The following NECAB2 variants were observed in gnomAD, a reference collection of about 807,000 sequenced individuals.
NECAB2 encodes the protein N-terminal EF-hand calcium-binding protein 2.
In NECAB2, 68 loss-of-function variants were observed where a neutral mutation model predicts 51.9. The observed-to-expected ratio is 1.31, with a 90% confidence interval of 1.08 to 1.60. NECAB2 has a LOEUF of 1.60. NECAB2 is among the 40% of genes most tolerant of loss of function. NECAB2 has a pLI of 0.00. For synonymous variants in NECAB2, 329 were observed against 203.5 expected, an observed-to-expected ratio of 1.62 and a Z score of -5.25; for missense variants, 854 against 490.3, an observed-to-expected ratio of 1.74 and a Z score of -7.00.
chr16:83,970,854 A>G (rs1220844251), intron 1 of NECAB2, among the ~76,000 whole-genome samples: 1 of 152,148 alleles, frequency 6.6e-6, no homozygotes, highest in Non-Finnish European at 1.5e-5. Context: ...GCACTTTGGG[A>G]GGCCGAGGCG....
At chr16:83,973,502 C>G (rs1055092299) in intron 2 of NECAB2, among the ~76,000 whole-genome samples, 1 of 152,138 alleles carries the variant, frequency 6.6e-6, no homozygotes, top group African/African-American at 2.4e-5. Context: ...CCATACGGAG[C>G]AGAGGAGGAA....
rs891224700 is a variant in NECAB2 at position 83,976,734 on chromosome 16, C to T, written c.227-1710C>T. 6.6e-5 allele frequency among the ~76,000 whole-genome samples: 10 copies of T among 152,264 alleles called. No individual in the cohort carries two copies. The East Asian group carries it at 1.5e-3, about 24-fold the overall frequency. ...TCTTGGGATATTGGCCCTAGCCCCC[C>T]GTGCCCACACGTTCATATTCTTTAC... On this transcript the variant is annotated intron_variant, in intron 2 of 12. Coordinates refer to ENST00000305202, the MANE Select transcript of NECAB2 (RefSeq NM_019065.3).
At chr16:83,987,883 T>A (rs2084575472) in intron 5 of NECAB2, among the ~76,000 whole-genome samples, 1 of 152,246 alleles carries the variant, frequency 6.6e-6, no homozygotes, top group Non-Finnish European at 1.5e-5. Context: ...ATAAGATGGC[T>A]GTAAGCATCG....
Position 83,968,617 on chromosome 16 carries a change from G to A in NECAB2, c.-32G>A. ...GGCCGCAGCTGGGCGGGGGTCGGCG[G>A]GCTTCCGGGCGGCGGCGGCGGGCGC... On this transcript the variant is annotated 5_prime_UTR_variant, in exon 1 of 13. Coordinates refer to ENST00000305202, the MANE Select transcript of NECAB2 (RefSeq NM_019065.3). The A allele has an allele frequency of 9.2e-6, 9 of 979,420 alleles. No individual in the cohort carries two copies. Among genetic ancestry groups the A allele is most frequent in the Non-Finnish European group, 9.7e-6 (8 of 827,364 alleles). The allele number at this position is 979,420 out of a possible 1,614,324, so 60.7% of individuals were successfully genotyped here.
intron 5 of NECAB2, among the ~76,000 whole-genome samples, chr16:83,985,908 G>C (rs1266739547): frequency 1.3e-5 from 2 of 152,130 alleles, no homozygotes; most frequent in African/African-American, 2.4e-5. Context: ...TCTGAAAACA[G>C]CTATCCTTTC....
intron 6 of NECAB2, among the ~76,000 whole-genome samples, 195 bp from the exon 7 acceptor site, chr16:83,994,107 A>G (rs562823253): frequency 7.9e-5 from 12 of 152,210 alleles, no homozygotes; most frequent in African/African-American, 2.9e-4. Flanking sequence ...CTGCCCAGCT[A>G]GCTGCGTGGC....
upstream of NECAB2, chr16:83,965,917 G>C: frequency 6.2e-7 from 1 of 1,612,790 alleles, no homozygotes; most frequent in Non-Finnish European, 8.5e-7. Flanking sequence ...TGGGGCCGCT[G>C]GCCGGGGACA....
chr16:83,999,550 C>T lies in NECAB2; in HGVS notation c.963-1174C>T, dbSNP rs866864070. 2.7e-3 allele frequency among the ~76,000 whole-genome samples: 417 copies of T among 152,272 alleles called. 2 individuals are homozygous for T. Among genetic ancestry groups the T allele is most frequent in the African/African-American group, 9.7e-3 (401 of 41,548 alleles). ...AAGATGGAATCCAGCCCGGCCCCTT[C>T]CTCTAGGCTGAGCACTGTAGCCCCT... On this transcript the variant is annotated intron_variant, in intron 10 of 12. Transcript: ENST00000305202.
At chr16:83,980,703 T>C in intron 3 of NECAB2, 136 bp from the exon 4 acceptor site, 1 of 1,220,558 alleles carries the variant, frequency 8.2e-7, no homozygotes, top group Non-Finnish European at 1.2e-6. Flanking sequence ...CACCCTCTTC[T>C]GTAAGGCGGA....
At chr16:83,982,158 C>T (rs547945413) in intron 5 of NECAB2, among the ~76,000 whole-genome samples, 39 of 152,278 alleles carry the variant, frequency 2.6e-4, no homozygotes, top group East Asian at 1.7e-3. Flanking sequence ...TCCTACTGTA[C>T]GCTCAGCCAG....
At chr16:83,992,505 C>T (rs2084639596) in intron 6 of NECAB2, among the ~76,000 whole-genome samples, 2 of 151,986 alleles carry the variant, frequency 1.3e-5, no homozygotes, top group South Asian at 4.1e-4. Context: ...GGGAAACAGC[C>T]AGGTGTCGGC....
rs530484450 is a variant in NECAB2 at position 83,971,947 on chromosome 16, G to A, written c.202-204G>A. ...TACTGGCAGCCGCTTCCACGTGGGTGAGGGGAGGGCCTCTGTCTGCAACAT... is the reference window on the plus strand; with the variant it reads ...TACTGGCAGCCGCTTCCACGTGGGTAAGGGGAGGGCCTCTGTCTGCAACAT... On this transcript the variant is annotated intron_variant, in intron 1 of 12. Transcript: ENST00000305202. The A allele has an allele frequency of 6.8e-4, 445 of 654,096 alleles. 5 individuals are homozygous for A. The South Asian group carries it at 8.2e-3, about 12-fold the overall frequency. 40.5% of individuals were successfully genotyped at this position (654,096 alleles called of 1,614,324 possible). A position where few individuals can be genotyped will look rare whatever the true frequency, so the allele number is the denominator to read the frequency against.
chr16:83,994,800 G>C (rs1188387247), intron 8 of NECAB2, 112 bp downstream of exon 8: 1 of 1,219,386 alleles, frequency 8.2e-7, no homozygotes, highest in Non-Finnish European at 1.2e-6. Context: ...AGGGAACCAT[G>C]AAAAAGACAT....
rs2084750227 is a variant in NECAB2, at chr16:83,998,311, G to A, written c.956G>A (p.Cys319Tyr). The change falls in exon 10 of 13, where the codon TGC becomes TAC. Residue 319 changes from cysteine (C) to tyrosine (Y), a missense_variant. Coordinates refer to ENST00000305202, the MANE Select transcript of NECAB2 (RefSeq NM_019065.3). ...YLRGTTGVRN[C>Y]FHITAVRLSD... ...CGGGGGACCACTGGCGTGAGGAACT[G>A]CTTCCAGTGAGTGAGCTGCCGAGGC... 4 of 1,613,252 alleles carry A rather than the reference G, an allele frequency of 2.5e-6. No individual in the cohort carries two copies. The highest frequency in any genetic ancestry group is 1.3e-5 in the African/African-American group (1 of 74,922).
intron 5 of NECAB2, among the ~76,000 whole-genome samples, chr16:83,983,470 T>C (rs1045988410): frequency 6.6e-6 from 1 of 152,212 alleles, no homozygotes; most frequent in Non-Finnish European, 1.5e-5. Context: ...CCAGCTCTTA[T>C]TTTAGAATCC....
chr16:83,974,772 T>C (rs1432271584), intron 2 of NECAB2, among the ~76,000 whole-genome samples: 5 of 150,760 alleles, frequency 3.3e-5, no homozygotes, highest in Admixed American at 1.3e-4. Flanking sequence ...GATAGGGGAG[T>C]GGTGTGGGAA....
intron 5 of NECAB2, among the ~76,000 whole-genome samples, chr16:83,985,516 C>T (rs2084542120): frequency 6.6e-6 from 1 of 150,500 alleles, no homozygotes; most frequent in African/African-American, 2.4e-5. Context: ...GTGTGTAATC[C>T]CAGCTACTTG....
At chr16:83,977,003 C>T (rs954345037) in intron 2 of NECAB2, among the ~76,000 whole-genome samples, 2 of 152,204 alleles carry the variant, frequency 1.3e-5, no homozygotes, top group African/African-American at 4.8e-5. Context: ...AGGGCACCCA[C>T]CCGAGGAAAT....
At chr16:83,985,301 A>G (rs1304767378) in intron 5 of NECAB2, among the ~76,000 whole-genome samples, 6 of 102,832 alleles carry the variant, frequency 5.8e-5, no homozygotes, top group East Asian at 5.9e-4. Flanking sequence ...CAACAAGAGC[A>G]AATCTCTGTC....
Sources: gnomAD v4.1 joint callset for allele counts (sites outside exome capture counted in the v4.1 genomes callset) on GRCh38, gnomAD v4.1.1 for gene constraint, MANE v1.5 for transcripts, NCBI Gene and HGNC (gene_info 2026-07-23, HGNC 2026-07-21) for gene names.